Variants in CFAP44 observed in about 807,000 individuals in gnomAD.
The protein encoded by CFAP44 is cilia and flagella associated protein 44.
In CFAP44, 134 loss-of-function variants were observed where a neutral mutation model predicts 216.2. The observed-to-expected ratio is 0.62, with a 90% CI of 0.54 to 0.72. The LOEUF is 0.72. Among genes scored for constraint, CFAP44 ranks in the 30% least tolerant of loss-of-function variants. CFAP44 has a pLI of 0.00. For synonymous variants in CFAP44, 700 were observed against 727.6 expected, an observed-to-expected ratio of 0.96 and a Z score of 0.61; for missense variants, 2,035 against 2,182.1, an observed-to-expected ratio of 0.93 and a Z score of 1.34.
chr3:113,421,859 C>T (rs913807624), intron 4 of CFAP44, among the ~76,000 whole-genome samples: 13 of 151,708 alleles, frequency 8.6e-5, no homozygotes, highest in Admixed American at 2.0e-4. Context: ...GGAGGGGGCA[C>T]GGCTGAAAAA....
chr3:113,297,981 T>C lies in CFAP44; in HGVS notation c.5078-1096A>G, dbSNP rs143565247. On this transcript the variant is annotated intron_variant, in intron 32 of 34. Transcript: ENST00000393845. ...TTCACTTTCTATTCTATGTAAGTAA[T>C]GCCCCACGGACATGTATAATGTGGT... 2.3e-3 allele frequency among the ~76,000 whole-genome samples: 353 copies of C among 152,368 alleles called. 9 individuals carry two copies. The highest frequency in any genetic ancestry group is 0.02 in the Admixed American group (304 of 15,306).
intron 15 of CFAP44, among the ~76,000 whole-genome samples, chr3:113,382,021 A>T (rs1219183435): frequency 6.6e-6 from 1 of 152,194 alleles, no homozygotes; most frequent in Non-Finnish European, 1.5e-5. Flanking sequence ...TAATGAGTTA[A>T]GGGAGGGTTT....
chr3:113,360,775 G>C (rs1200154161), intron 21 of CFAP44: 1 of 157,028 alleles, frequency 6.4e-6, no homozygotes, highest in Non-Finnish European at 1.4e-5. Context: ...CAGCCTGAAA[G>C]ATAAGGGATG....
intron 28 of CFAP44, among the ~76,000 whole-genome samples, chr3:113,310,069 G>A (rs1200040501): frequency 2.6e-5 from 4 of 152,228 alleles, no homozygotes; most frequent in African/African-American, 9.6e-5. Flanking sequence ...TCACAGGGCT[G>A]TAACGAGGTG....
At chr3:113,336,291 A>C (rs747955857) in intron 24 of CFAP44, among the ~76,000 whole-genome samples, 3 of 152,076 alleles carry the variant, frequency 2.0e-5, no homozygotes, top group Non-Finnish European at 4.4e-5. Context: ...AGTTCTTTGA[A>C]AAGATCTATA....
intron 15 of CFAP44, among the ~76,000 whole-genome samples, chr3:113,392,556 G>T (rs116961541): frequency 0.025 from 3,830 of 152,228 alleles, 60 homozygotes; most frequent in East Asian, 0.052. Flanking sequence ...AACTAAAAGA[G>T]TATGAGTGGA....
Position 113,422,001 on chromosome 3 carries a change from T to TA in CFAP44, c.408-1823dup, listed in dbSNP as rs1491362726. 5.9e-5 allele frequency among the ~76,000 whole-genome samples: 9 copies of TA among 152,246 alleles called. No homozygotes were observed. The East Asian group carries it at 7.7e-4, about 13-fold the overall frequency. ...TGTATCTAAAATAAATATATTTTTT[T>TA]AAAAAAGAGGTATAAAAATCTAAGT... is the stretch of plus-strand genomic sequence containing the variant. On this transcript the variant is annotated intron_variant, in intron 4 of 34. Coordinates refer to ENST00000393845, the MANE Select transcript of CFAP44 (RefSeq NM_001164496.2).
chr3:113,412,268 G>A (rs778260331), intron 6 of CFAP44, among the ~76,000 whole-genome samples: 12 of 151,846 alleles, frequency 7.9e-5, no homozygotes, highest in Non-Finnish European at 1.0e-4. Flanking sequence ...AAACCCCATC[G>A]TCTCAGCTTA....
intron 29 of CFAP44, among the ~76,000 whole-genome samples, chr3:113,306,881 A>T (rs1182953421): frequency 6.6e-6 from 1 of 152,250 alleles, no homozygotes; most frequent in Non-Finnish European, 1.5e-5. Context: ...CTGCTAAAAA[A>T]TAATGAGTTG....
intron 1 of CFAP44, chr3:113,434,686 C>G (rs375346132): frequency 2.6e-5 from 4 of 152,146 alleles, no homozygotes; most frequent in East Asian, 3.8e-4. Flanking sequence ...AACACTAGTT[C>G]TATTTGGATC....
intron 17 of CFAP44, 81 bp downstream of exon 17, chr3:113,379,225 G>A: frequency 2.9e-6 from 3 of 1,019,612 alleles, no homozygotes; most frequent in South Asian, 3.3e-5. Flanking sequence ...CTTAACATAA[G>A]AGTAAGAAAG....
chr3:113,397,888 G>T (rs903989289), intron 13 of CFAP44, among the ~76,000 whole-genome samples: 1 of 152,094 alleles, frequency 6.6e-6, no homozygotes, highest in Non-Finnish European at 1.5e-5. Context: ...GAAACACGGA[G>T]TTCGAGGTCC....
In CFAP44 at chr3:113,403,711, C is replaced by T. The variant is rs143627453; in HGVS notation, c.1170+141G>A. 1.7e-4 allele frequency: 147 copies of T among 877,760 alleles called. 2 individuals carry two copies. In the African/African-American group the frequency reaches 2.1e-3, roughly 13 times the overall value. The allele number at this position is 877,760 out of a possible 1,614,324, so 54.4% of individuals were successfully genotyped here. On this transcript the variant is annotated intron_variant, in intron 9 of 34. Transcript: ENST00000393845. ...ATGCAAATATTTACCACAAGAGAAGCATTATTTAAAGTGAGTTGGCCTTGG... is the reference window on the plus strand; with the variant it reads ...ATGCAAATATTTACCACAAGAGAAGTATTATTTAAAGTGAGTTGGCCTTGG...
intron 30 of CFAP44, among the ~76,000 whole-genome samples, chr3:113,305,512 A>G (rs1949977058): frequency 6.6e-6 from 1 of 152,222 alleles, no homozygotes; most frequent in Non-Finnish European, 1.5e-5. Flanking sequence ...ACTTCAACAA[A>G]TTAAAGAAAG....
chr3:113,362,194 C>T (rs974220756), intron 21 of CFAP44, among the ~76,000 whole-genome samples: 2 of 151,998 alleles, frequency 1.3e-5, no homozygotes, highest in African/African-American at 4.8e-5. Context: ...AAACCATTAG[C>T]TAATCTATCA....
Position 113,330,371 on chromosome 3 carries a change from C to G in CFAP44, c.3913G>C (p.Gly1305Arg). The G allele has an allele frequency of 1.3e-6, 2 of 1,537,292 alleles. No individual in the cohort carries two copies. The highest frequency in any genetic ancestry group is 1.7e-6 in the Non-Finnish European group (2 of 1,146,910). ...TTTCTAGAAGAGAGTTTGAGGAATCCTCCAACTGGGCCTCCAGACCCTGTC... is the reference window on the plus strand; with the variant it reads ...TTTCTAGAAGAGAGTTTGAGGAATCGTCCAACTGGGCCTCCAGACCCTGTC... ...EQTGSGGPVG[G>R]FLKLSSRKDG... The change falls in exon 26 of 35, where the codon GGA becomes CGA. Residue 1305 changes from glycine (G) to arginine (R), a missense_variant. Transcript: ENST00000393845.
intron 18 of CFAP44, among the ~76,000 whole-genome samples, chr3:113,367,438 C>T (rs1418808526): frequency 6.6e-6 from 1 of 152,194 alleles, no homozygotes; most frequent in Non-Finnish European, 1.5e-5. Flanking sequence ...CCCAGGCAAA[C>T]AGGGCCTGGA....
intron 15 of CFAP44, among the ~76,000 whole-genome samples, chr3:113,389,820 G>A (rs866794413): frequency 9.2e-5 from 14 of 151,866 alleles, no homozygotes; most frequent in African/African-American, 3.1e-4. Flanking sequence ...AATTCAAAAC[G>A]TGAACAGACC....
At chr3:113,323,235 G>A (rs1403229650) in intron 28 of CFAP44, among the ~76,000 whole-genome samples, 1 of 152,158 alleles carries the variant, frequency 6.6e-6, no homozygotes, top group Non-Finnish European at 1.5e-5. Flanking sequence ...TCAATGGTGG[G>A]TTGGACAAAG....
Sources: gnomAD v4.1 joint callset for allele counts (sites outside exome capture counted in the v4.1 genomes callset) on GRCh38, gnomAD v4.1.1 for gene constraint, MANE v1.5 for transcripts, NCBI Gene and HGNC (gene_info 2026-07-23, HGNC 2026-07-21) for gene names.